DRAXIN: variants seen among roughly 807,000 people sequenced by gnomAD.
DRAXIN encodes the protein dorsal repulsive axon guidance protein.
Under a neutral mutation model 33.9 loss-of-function variants are expected in DRAXIN, and 27 were observed. The ratio of observed to expected loss-of-function variants is 0.80; its 90% CI spans 0.59 to 1.10. The LOEUF (loss-of-function observed/expected upper bound fraction) is 1.10, where lower values mean the gene tolerates loss of function less well. Ranked by LOEUF, DRAXIN falls within the 50% of genes least tolerant of loss-of-function variation. The pLI is 0.00. For missense variants in DRAXIN, 371 were observed against 460.8 expected, an observed-to-expected ratio of 0.81 and a Z score of 1.78; for synonymous variants, 178 against 194.0, an observed-to-expected ratio of 0.92 and a Z score of 0.69.
At chr1:11,712,526 C>T (rs1481102275) in intron 5 of DRAXIN, 97 bp downstream of exon 5, 2 of 1,209,038 alleles carry the variant, frequency 1.7e-6, no homozygotes, top group East Asian at 4.7e-5. Flanking sequence ...CCTGAGAATC[C>T]TTGACCCTTC....
At chr1:11,712,794 G>A (rs1246320919) in intron 5 of DRAXIN, among the ~76,000 whole-genome samples, 1 of 152,092 alleles carries the variant, frequency 6.6e-6, no homozygotes, top group Non-Finnish European at 1.5e-5. Flanking sequence ...AGCTACTCGG[G>A]AGGATGAGGC....
chr1:11,691,875 C>T (rs920823012), intron 1 of DRAXIN, 22 bp downstream of exon 1: 1 of 151,666 alleles, frequency 6.6e-6, no homozygotes, highest in African/African-American at 2.4e-5. Context: ...CCTCGGCCCG[C>T]CCCTGGCTCC....
At position 11,705,004 on chromosome 1, in the gene DRAXIN, C is replaced by T. The variant is rs901976086; in HGVS notation, c.-10-1245C>T. Among the ~76,000 whole-genome samples, 3 of 152,192 alleles carry T rather than the reference C, an allele frequency of 2.0e-5. No individual in the cohort carries two copies. Among genetic ancestry groups the T allele is most frequent in the Admixed American group, 2.0e-4 (3 of 15,284 alleles). On this transcript the variant is annotated intron_variant, in intron 1 of 6. Transcript: ENST00000294485. The surrounding 1 kb of genome is among the most constrained non-coding windows in gnomAD (Gnocchi z 4.8). ...GTTTCCCTGCCCTACCACCCTCCCT[C>T]GGGGTCGGGGCTAAGGTGACACTGG...
intron 6 of DRAXIN, among the ~76,000 whole-genome samples, chr1:11,716,789 G>A (rs1000875936): frequency 6.6e-6 from 1 of 152,054 alleles, no homozygotes; most frequent in East Asian, 1.9e-4. Context: ...CTCCCGCCTC[G>A]GCAATAAAGC....
At chr1:11,718,705 C>T (rs937838325) in intron 6 of DRAXIN, among the ~76,000 whole-genome samples, 3 of 152,144 alleles carry the variant, frequency 2.0e-5, no homozygotes, top group African/African-American at 4.8e-5. Context: ...TGGGCTCAAG[C>T]GATCCTCCCA....
intron 1 of DRAXIN, among the ~76,000 whole-genome samples, chr1:11,703,884 G>A (rs1259355429): frequency 6.6e-6 from 1 of 152,194 alleles, no homozygotes; most frequent in Non-Finnish European, 1.5e-5. Flanking sequence ...TGGGAAGGTG[G>A]CAGTCTGGGT....
chr1:11,709,617 G>A (rs1253572195), intron 3 of DRAXIN, 152 bp downstream of exon 3: 9 of 1,043,472 alleles, frequency 8.6e-6, no homozygotes, highest in Non-Finnish European at 5.4e-6. Flanking sequence ...TGCCCATCCA[G>A]TCTAGCTCCA....
At chr1:11,716,261 T>C (rs1475870760) in intron 6 of DRAXIN, among the ~76,000 whole-genome samples, 1 of 152,252 alleles carries the variant, frequency 6.6e-6, no homozygotes, top group Non-Finnish European at 1.5e-5. Context: ...TCTGCTTCAA[T>C]ACCAACTCAC....
In DRAXIN at chr1:11,705,054, G is replaced by A. The variant is rs1035696949; in HGVS notation, c.-10-1195G>A. Among the ~76,000 whole-genome samples, 1 of 152,198 alleles carries A rather than the reference G, an allele frequency of 6.6e-6. No homozygotes were observed. Among genetic ancestry groups the A allele is most frequent in the African/African-American group, 2.4e-5 (1 of 41,446 alleles). ...GGGTGGGCCAGCCAGCATGGGGGCCGCAGGGAGAGGCGCCGGGAAGCAGGG... is the reference window on the plus strand; with the variant it reads ...GGGTGGGCCAGCCAGCATGGGGGCCACAGGGAGAGGCGCCGGGAAGCAGGG... On this transcript the variant is annotated intron_variant, in intron 1 of 6. Coordinates refer to ENST00000294485, the MANE Select transcript of DRAXIN (RefSeq NM_198545.4). This position sits in a 1 kb window ranked among gnomAD's most constrained non-coding sequence, Gnocchi z 4.8.
At chr1:11,718,538 A>G (rs1033682697) in intron 6 of DRAXIN, among the ~76,000 whole-genome samples, 7 of 152,190 alleles carry the variant, frequency 4.6e-5, no homozygotes, top group Non-Finnish European at 1.0e-4. Flanking sequence ...ACCAAGGCGC[A>G]CTGCAGCCTG....
chr1:11,710,078 G>A (rs535131368), intron 3 of DRAXIN, among the ~76,000 whole-genome samples: 29 of 152,094 alleles, frequency 1.9e-4, no homozygotes, highest in Middle Eastern at 6.8e-3. Context: ...CCAGCTACTC[G>A]GGAGGCTGAG....
intron 3 of DRAXIN, among the ~76,000 whole-genome samples, chr1:11,710,716 C>A (rs1641475313): frequency 6.9e-6 from 1 of 144,914 alleles, no homozygotes; most frequent in Non-Finnish European, 1.5e-5. Context: ...AAATCGAGAC[C>A]ATCCTGGCTA....
chr1:11,699,651 G>C (rs1641241158), intron 1 of DRAXIN, among the ~76,000 whole-genome samples: 1 of 152,156 alleles, frequency 6.6e-6, no homozygotes, highest in Admixed American at 6.5e-5. Flanking sequence ...GCTCAAGCCA[G>C]GCATGGTGCT....
intron 5 of DRAXIN, among the ~76,000 whole-genome samples, chr1:11,714,037 T>A (rs1037202434): frequency 6.6e-6 from 1 of 151,304 alleles, no homozygotes; most frequent in African/African-American, 2.4e-5. Flanking sequence ...TTAAAAAAAA[T>A]AAGAAAATAA....
Position 11,725,221 on chromosome 1 carries a change from T to G in DRAXIN, c.*5525T>G, listed in dbSNP as rs1641722606. ...GTCCCAGCTATTCTCCAGGCTGAGG[T>G]GGGAGGATCGCTTGAGCCCAAGAGG... On this transcript the variant is annotated 3_prime_UTR_variant, in exon 7 of 7. Transcript: ENST00000294485. 6.6e-6 allele frequency: 1 copy of G among 151,964 alleles called. No homozygotes were observed. Among genetic ancestry groups the G allele is most frequent in the Non-Finnish European group, 1.5e-5 (1 of 68,030 alleles). 9.4% of individuals were successfully genotyped at this position (151,964 alleles called of 1,614,324 possible). A position where few individuals can be genotyped will look rare whatever the true frequency, so the allele number is the denominator to read the frequency against.
At position 11,715,157 on chromosome 1, in the gene DRAXIN, C is replaced by T. The variant is rs2100742922; in HGVS notation, c.886C>T (p.His296Tyr). ...CCTGCGGGAGCATCTCTGCACACCC[C>T]ACAACCGAGGCCTCAACAACAAATG... ...CDLREHLCTP[H>Y]NRGLNNKCFD... The change falls in exon 6 of 7, where the codon CAC becomes TAC. Residue 296 changes from histidine (H) to tyrosine (Y), a missense_variant. By Grantham distance (83) the His-to-Tyr change is moderately conservative (BLOSUM62 2). Coordinates refer to ENST00000294485, the MANE Select transcript of DRAXIN (RefSeq NM_198545.4). 6.2e-7 allele frequency: 1 copy of T among 1,614,266 alleles called. No individual in the cohort carries two copies. The highest frequency in any genetic ancestry group is 2.2e-5 in the East Asian group (1 of 44,888).
In DRAXIN at chr1:11,715,228, C is replaced by T. The variant is rs1191341369; in HGVS notation, c.937+20C>T. On this transcript the variant is annotated intron_variant, in intron 6 of 6. Coordinates refer to ENST00000294485, the MANE Select transcript of DRAXIN (RefSeq NM_198545.4). ...TGGAAGGTGGGTCCAGACTCCTTTGCGGGGGGCTACCCATGCTCTGAGAAC... is the reference window on the plus strand; with the variant it reads ...TGGAAGGTGGGTCCAGACTCCTTTGTGGGGGGCTACCCATGCTCTGAGAAC... 39 of 1,613,812 alleles carry T rather than the reference C, an allele frequency of 2.4e-5. No individual in the cohort carries two copies. Among genetic ancestry groups the T allele is most frequent in the Non-Finnish European group, 3.3e-5 (39 of 1,179,800 alleles).
In DRAXIN at chr1:11,706,249, G is replaced by A; in HGVS notation, c.-10G>A. On this transcript the variant is annotated splice_region_variant and 5_prime_UTR_variant, in exon 2 of 7. Coordinates refer to ENST00000294485, the MANE Select transcript of DRAXIN (RefSeq NM_198545.4). This position sits in a 1 kb window ranked among gnomAD's most constrained non-coding sequence, Gnocchi z 5.5. ...ATTCATGGTGTTGCTCTTCTTGCAG[G>A]GAGGAGCCAATGGCTGGGCCTGCCA... The A allele has an allele frequency of 6.3e-7, 1 of 1,575,890 alleles. No individual in the cohort carries two copies. The highest frequency in any genetic ancestry group is 1.8e-5 in the Admixed American group (1 of 54,726).
intron 6 of DRAXIN, among the ~76,000 whole-genome samples, chr1:11,717,330 GATA>G (rs1214715476): frequency 1.3e-5 from 2 of 151,854 alleles, no homozygotes; most frequent in African/African-American, 4.8e-5. Context: ...ATAATAATAT[GATA>G]ATGAGTCCTA....
Sources: gnomAD v4.1 joint callset for allele counts (sites outside exome capture counted in the v4.1 genomes callset) on GRCh38, gnomAD v4.1.1 for gene constraint, Gnocchi (gnomAD v3.1) non-coding constraint, MANE v1.5 for transcripts, NCBI Gene and HGNC (gene_info 2026-07-23, HGNC 2026-07-21) for gene names.